FBXL4: variants seen among roughly 807,000 people sequenced by gnomAD.
FBXL4 encodes the protein F-box/LRR-repeat protein 4.
A neutral mutation model predicts 58.9 loss-of-function variants in FBXL4; 40 were observed. That is an observed-to-expected ratio of 0.68 (90% CI 0.53 to 0.88). The LOEUF is 0.88. Among genes scored for constraint, FBXL4 ranks in the 40% least tolerant of loss-of-function variants. The probability of loss-of-function intolerance (pLI) is 0.00; values close to 1 mark genes in which losing one functional copy is unlikely to be tolerated. For missense variants in FBXL4, 676 were observed against 734.4 expected, an observed-to-expected ratio of 0.92 and a Z score of 0.92; for synonymous variants, 263 against 265.5, an observed-to-expected ratio of 0.99 and a Z score of 0.09.
chr6:98,905,794 A>C (rs1771788794), intron 5 of FBXL4, 124 bp from the exon 6 acceptor site: 4 of 946,874 alleles, frequency 4.2e-6, no homozygotes, highest in Non-Finnish European at 6.2e-6. Flanking sequence ...TTCACATAGT[A>C]AATAAACATC....
chr6:98,905,605 T>G lies in FBXL4; in HGVS notation c.924A>C (p.Lys308Asn). The G allele has an allele frequency of 1.9e-6, 3 of 1,612,536 alleles. No homozygotes were observed. Among genetic ancestry groups the G allele is most frequent in the Non-Finnish European group, 2.5e-6 (3 of 1,179,462 alleles). ...GATCACAGCAATGCTGGCTCAGTAG[T>G]TTGCAAGTCTGTGCTAATCTACACA... ...PDLCRLAQTC[K>N]LLSQHCCDPL... is the part of the protein sequence containing the mutation. The change falls in exon 6 of 10, where the codon AAA becomes AAC. Residue 308 changes from lysine (K) to asparagine (N), a missense_variant. Coordinates refer to ENST00000369244, the MANE Select transcript of FBXL4 (RefSeq NM_001278716.2).
chr6:98,876,769 G>A (rs116239136), intron 8 of FBXL4, among the ~76,000 whole-genome samples: 2,052 of 152,230 alleles, frequency 0.013, 33 homozygotes, highest in African/African-American at 0.046. Context: ...TGATGCATTC[G>A]AGGAACAAAA....
chr6:98,877,959 C>G lies in FBXL4; in HGVS notation c.1390-2232G>C, dbSNP rs111413271. 2.5e-3 allele frequency among the ~76,000 whole-genome samples: 376 copies of G among 152,238 alleles called. 2 individuals carry two copies. The highest frequency in any genetic ancestry group is 8.5e-3 in the African/African-American group (352 of 41,536). On this transcript the variant is annotated intron_variant, in intron 8 of 9. Transcript: ENST00000369244. The stretch of plus-strand genomic sequence containing the variant: ...TGTTTACGGCATTGACTAGAATATT[C>G]AGGTTTATTACAGGTGAGACACTGC...
At chr6:98,891,852 G>A (rs187935655) in intron 7 of FBXL4, among the ~76,000 whole-genome samples, 3 of 152,110 alleles carry the variant, frequency 2.0e-5, no homozygotes, top group Admixed American at 2.0e-4. Context: ...CTAATGAATG[G>A]TGTCCTTTCC....
rs2128373975 is a variant in FBXL4, at chr6:98,873,129, T to C, written c.*1149A>G. The C allele has an allele frequency of 6.6e-6, 1 of 151,310 alleles. No individual in the cohort carries two copies. The highest frequency in any genetic ancestry group is 2.1e-4 in the South Asian group (1 of 4,808). 9.4% of individuals were successfully genotyped at this position (151,310 alleles called of 1,614,324 possible). A position where few individuals can be genotyped will look rare whatever the true frequency, so the allele number is the denominator to read the frequency against. ...TAATATTAACTGTAGTATAACAAAATTCATTGTCCTGTTAAGTGCAAAATC... is the reference window on the plus strand; with the variant it reads ...TAATATTAACTGTAGTATAACAAAACTCATTGTCCTGTTAAGTGCAAAATC... On this transcript the variant is annotated 3_prime_UTR_variant, in exon 10 of 10. Coordinates refer to ENST00000369244, the MANE Select transcript of FBXL4 (RefSeq NM_001278716.2).
intron 7 of FBXL4, among the ~76,000 whole-genome samples, chr6:98,885,875 C>T (rs1303488203): frequency 1.3e-5 from 2 of 152,224 alleles, no homozygotes; most frequent in African/African-American, 4.8e-5. Context: ...TTGGCTTCCT[C>T]CCTCCCAACT....
chr6:98,910,970 C>T (rs1214140774), intron 5 of FBXL4, among the ~76,000 whole-genome samples: 2 of 152,186 alleles, frequency 1.3e-5, no homozygotes, highest in East Asian at 1.9e-4. Context: ...GGGCCACTCC[C>T]ACCCAAATAC....
chr6:98,922,040 G>A (rs375389076), intron 4 of FBXL4, among the ~76,000 whole-genome samples: 2 of 152,168 alleles, frequency 1.3e-5, no homozygotes, highest in African/African-American at 2.4e-5. Flanking sequence ...TGATTCTCCC[G>A]CCTCAGCCTC....
intron 4 of FBXL4, 67 bp downstream of exon 4, chr6:98,926,410 G>C: frequency 2.8e-6 from 4 of 1,446,408 alleles, no homozygotes; most frequent in Non-Finnish European, 3.7e-6. Context: ...CAATAAAAAA[G>C]ATCTCCAATA....
intron 4 of FBXL4, among the ~76,000 whole-genome samples, chr6:98,925,115 G>C (rs1772727256): frequency 6.6e-6 from 1 of 151,844 alleles, no homozygotes; most frequent in Admixed American, 6.6e-5. Context: ...GATAGTTAAA[G>C]GAAAAAGAAA....
chr6:98,874,437 T>A lies in FBXL4; in HGVS notation c.1707A>T (p.Thr569=). 6.2e-7 allele frequency: 1 copy of A among 1,604,620 alleles called. No individual in the cohort carries two copies. Among genetic ancestry groups the A allele is most frequent in the Non-Finnish European group, 8.5e-7 (1 of 1,177,778 alleles). Residue 569 remains threonine, a synonymous_variant, in exon 10 of 10, where the codon ACA becomes ACT. Transcript: ENST00000369244. ...TTAAGGATGCCGGACTTACCATTCTTGTTCCTATTTAAGGGAAACAAAACA... is the reference window on the plus strand; with the variant it reads ...TTAAGGATGCCGGACTTACCATTCTAGTTCCTATTTAAGGGAAACAAAACA... The part of the protein sequence containing the change: ...TRLQQLDILG[T]RMVSPASLRK...
chr6:98,868,935 C>G lies in FBXL4; in HGVS notation c.*5343G>C, dbSNP rs933761090. The G allele has an allele frequency of 6.6e-6, 1 of 152,182 alleles. No individual in the cohort carries two copies. Among genetic ancestry groups the G allele is most frequent in the South Asian group, 2.1e-4 (1 of 4,832 alleles). The allele number at this position is 152,182 out of a possible 1,614,324, so 9.4% of individuals were successfully genotyped here. A position where few individuals can be genotyped will look rare whatever the true frequency, so the allele number is the denominator to read the frequency against. ...CTTACAGGCAAAGATCTTGAGCACACTTACTGCTGTGCCAAAGGAATAATC... is the reference window on the plus strand; with the variant it reads ...CTTACAGGCAAAGATCTTGAGCACAGTTACTGCTGTGCCAAAGGAATAATC... On this transcript the variant is annotated 3_prime_UTR_variant, in exon 10 of 10. Coordinates refer to ENST00000369244, the MANE Select transcript of FBXL4 (RefSeq NM_001278716.2).
At chr6:98,881,858 A>G (rs950435993) in intron 7 of FBXL4, among the ~76,000 whole-genome samples, 4 of 152,052 alleles carry the variant, frequency 2.6e-5, no homozygotes, top group Non-Finnish European at 5.9e-5. Context: ...ATATTAAGAT[A>G]ATTTAATTTT....
chr6:98,920,819 TACACACACACACACAC>T (rs10633715), intron 4 of FBXL4, among the ~76,000 whole-genome samples: 5 of 144,844 alleles, frequency 3.5e-5, no homozygotes, highest in African/African-American at 1.3e-4. Context: ...TACACACACA[TACACACACACACACAC>T]ACACACACAC....
chr6:98,893,768 CCTGGGTGA>C (rs1771314452), intron 7 of FBXL4, among the ~76,000 whole-genome samples: 3 of 151,050 alleles, frequency 2.0e-5, no homozygotes. Context: ...AGTAGGGGAA[CCTGGGTGA>C]AAATACATAA....
intron 1 of FBXL4, among the ~76,000 whole-genome samples, chr6:98,946,243 T>C (rs1317050615): frequency 1.3e-5 from 2 of 152,198 alleles, no homozygotes; most frequent in South Asian, 2.1e-4. Flanking sequence ...ATGGTATTTA[T>C]AGGACTGATC....
intron 1 of FBXL4, among the ~76,000 whole-genome samples, chr6:98,935,716 G>A: frequency 6.7e-6 from 1 of 149,480 alleles, no homozygotes; most frequent in East Asian, 2.0e-4. Context: ...GTGAACCCGG[G>A]AAGCGGAGCT....
chr6:98,926,945 T>A lies in FBXL4; in HGVS notation c.44A>T (p.Tyr15Phe). The A allele has an allele frequency of 6.2e-7, 1 of 1,614,150 alleles. No individual in the cohort carries two copies. The highest frequency in any genetic ancestry group is 8.5e-7 in the Non-Finnish European group (1 of 1,180,010). ...GGCTCGGCGCCGAAGGCATATATAA[T>A]AAAACATGGTCAGAACTGTTAACAT... ...FPMLTVLTMF[Y>F]YICLRRRART... is the part of the protein sequence containing the mutation. Residue 15 changes from tyrosine to phenylalanine, a missense_variant, in exon 4 of 10, where the codon TAT becomes TTT. Tyr to Phe is a conservative substitution (Grantham distance 22, BLOSUM62 3). Coordinates refer to ENST00000369244, the MANE Select transcript of FBXL4 (RefSeq NM_001278716.2).
chr6:98,900,182 C>T (rs1014301060), intron 6 of FBXL4, among the ~76,000 whole-genome samples: 1 of 152,098 alleles, frequency 6.6e-6, no homozygotes, highest in South Asian at 2.1e-4. Context: ...GAAAAATAGT[C>T]CTGTCTATGA....
Sources: gnomAD v4.1 joint callset for allele counts (sites outside exome capture counted in the v4.1 genomes callset) on GRCh38, gnomAD v4.1.1 for gene constraint, MANE v1.5 for transcripts, NCBI Gene and HGNC (gene_info 2026-07-23, HGNC 2026-07-21) for gene names.